The following PCDH8 variants were observed in gnomAD, a reference collection of about 807,000 sequenced individuals.
PCDH8 encodes protocadherin-8.
PCDH8 carries 36 observed loss-of-function variants against 58.2 expected under a neutral mutation model. That is an observed-to-expected ratio of 0.62 (90% CI 0.47 to 0.82). The LOEUF (loss-of-function observed/expected upper bound fraction) is 0.82, where lower values mean the gene tolerates loss of function less well. Among genes scored for constraint, PCDH8 ranks in the 40% least tolerant of loss-of-function variants. PCDH8 has a pLI of 0.00. For missense variants in PCDH8, 1,493 were observed against 1,567.8 expected (o/e 0.95, Z 0.81); for synonymous variants, 775 against 728.9 (o/e 1.06, Z -1.02).
In PCDH8 at chr13:52,846,848, C is replaced by T. The variant is rs1282274923; in HGVS notation, c.1589G>A (p.Gly530Asp). 1 of 1,547,788 alleles carries T rather than the reference C, an allele frequency of 6.5e-7. No individual in the cohort carries two copies. The highest frequency in any genetic ancestry group is 1.2e-5 in the South Asian group (1 of 85,030). The change falls in exon 1 of 3, where the codon GGC (glycine) becomes GAC (aspartate). Residue 530 changes from glycine (G) to aspartate (D), a missense_variant. Gly to Asp is a moderately conservative substitution (Grantham distance 94, BLOSUM62 -1). This residue lies in a region of PCDH8 where 1,307 missense variants were observed against 1,362.7 expected (regional missense o/e 0.96). Transcript: ENST00000377942. ...CTCCAGCAGCCGGTAGGTGACCTGG[C>T]CGTTGCGGCCCAGGTCCCGGTCGCG... is the stretch of plus-strand genomic sequence containing the variant. ...AARDRDLGRN[G>D]QVTYRLLEAE...
In PCDH8 at chr13:52,845,625, C is replaced by T. The variant is rs1387350463; in HGVS notation, c.2639G>A (p.Gly880Asp). The change falls in exon 2 of 3, where the codon GGT (glycine) becomes GAT (aspartate). Residue 880 changes from glycine (G) to aspartate (D), a missense_variant. By Grantham distance (94) the Gly-to-Asp change is moderately conservative. Around this residue, in one of 3 missense-constraint regions of PCDH8, gnomAD observed 1,307 missense variants for 1,362.7 expected, o/e 0.96. Coordinates refer to ENST00000377942, the MANE Select transcript of PCDH8 (RefSeq NM_002590.4). ...CTCCTTTCCAAAACCCGGGGAGGCA[C>T]CGTAGGGCTGCAGCAGGGAATAGGG... ...RLRGAHAEPY[G>D]ASPGFGKEPA... 4 of 1,613,906 alleles carry T rather than the reference C, an allele frequency of 2.5e-6. No individual in the cohort carries two copies. The East Asian group carries it at 6.7e-5, about 27-fold the overall frequency.
rs1290782960 is a variant in PCDH8, at chr13:52,847,003, G to A, written c.1434C>T (p.Arg478=). 3 of 1,574,704 alleles carry A rather than the reference G, an allele frequency of 1.9e-6. No homozygotes were observed. Among genetic ancestry groups the A allele is most frequent in the Non-Finnish European group, 2.6e-6 (3 of 1,164,202 alleles). Residue 478 remains arginine, a synonymous_variant, in exon 1 of 3, where the codon CGC becomes CGT. Transcript: ENST00000377942. ...CACGCACCGTGTAGGGCCGCACTGT[G>A]CGCAGCGGGGGCGCGCCGCGATCCT... The part of the protein sequence containing the change: ...VAEDRGAPPL[R]TVRPYTVRVG...
At position 52,848,088 on chromosome 13, in the gene PCDH8, G is replaced by C; in HGVS notation, c.349C>G (p.Arg117Gly). The C allele has an allele frequency of 6.2e-7, 1 of 1,612,772 alleles. No homozygotes were observed. The highest frequency in any genetic ancestry group is 1.3e-5 in the African/African-American group (1 of 75,042). Reference sequence around the variant, plus strand: ...ACCTCTACCTCCACGTGCACCAGCCGGAACTGCTCCTGCGAGAAGCTGACC... The same window carrying C: ...ACCTCTACCTCCACGTGCACCAGCCCGAACTGCTCCTGCGAGAAGCTGACC... ...DVVSFSQEQF[R>G]LVHVEVEVRD... is the part of the protein sequence containing the mutation. Residue 117 changes from arginine to glycine, a missense_variant, in exon 1 of 3, where the codon CGG (arginine) becomes GGG (glycine). Coordinates refer to ENST00000377942, the MANE Select transcript of PCDH8 (RefSeq NM_002590.4).
Position 52,846,200 on chromosome 13 carries a change from C to T in PCDH8, c.2237G>A (p.Trp746Ter). ...GATGATGACGATCAGCGGCGTGTCC[C>T]ATTGCAGCACCGACCCGGACACCCC... The part of the protein sequence containing the change: ...RLGVSGSVLQ[W>*]DTPLIVIIVL... Residue 746 changes from tryptophan to a stop codon, truncating the protein, a stop_gained, in exon 1 of 3, where the codon TGG becomes TAG. Transcript: ENST00000377942. LOFTEE classifies it high-confidence loss of function. 6.3e-7 allele frequency: 1 copy of T among 1,587,436 alleles called. No homozygotes were observed. Among genetic ancestry groups the T allele is most frequent in the Non-Finnish European group, 8.5e-7 (1 of 1,174,706 alleles).
At position 52,846,373 on chromosome 13, in the gene PCDH8, C is replaced by T. The variant is rs762995138; in HGVS notation, c.2064G>A (p.Ala688=). ...GGCCGCCGTCGGATATGACCAGGAG[C>T]GCCCTGAACACGCGACCGGGTGGCT... The part of the protein sequence containing the change: ...SQEPPGRVFR[A]LLVISDGGRP... The change falls in exon 1 of 3, where the codon GCG becomes GCA. Residue 688 remains alanine (A), a synonymous_variant. Transcript: ENST00000377942. 5.0e-6 allele frequency: 8 copies of T among 1,585,708 alleles called. No individual in the cohort carries two copies. In the East Asian group the frequency reaches 6.8e-5, roughly 13 times the overall value.
chr13:52,846,969 C>A lies in PCDH8; in HGVS notation c.1468G>T (p.Glu490Ter), dbSNP rs763830263. ...VRPYTVRVGDENDNAPLFTRP... is the reference protein window; with the variant it reads ...VRPYTVRVGD The stretch of plus-strand genomic sequence containing the variant: ...GTGAAGAGCGGCGCGTTGTCGTTCT[C>A]GTCGCCCACACGCACCGTGTAGGGC... Residue 490 changes from glutamate to a stop codon, truncating the protein, a stop_gained, in exon 1 of 3, where the codon GAG becomes TAG. Coordinates refer to ENST00000377942, the MANE Select transcript of PCDH8 (RefSeq NM_002590.4). LOFTEE classifies it high-confidence loss of function. 1 of 1,595,284 alleles carries A rather than the reference C, an allele frequency of 6.3e-7. No homozygotes were observed. Among genetic ancestry groups the A allele is most frequent in the Non-Finnish European group, 8.5e-7 (1 of 1,173,956 alleles).
At position 52,847,359 on chromosome 13, in the gene PCDH8, C is replaced by G; in HGVS notation, c.1078G>C (p.Ala360Pro). 6.7e-7 allele frequency: 1 copy of G among 1,491,090 alleles called. No individual in the cohort carries two copies. Among genetic ancestry groups the G allele is most frequent in the South Asian group, 1.3e-5 (1 of 75,488 alleles). 92.4% of individuals were successfully genotyped at this position (1,491,090 alleles called of 1,614,324 possible). A position where few individuals can be genotyped will look rare whatever the true frequency, so the allele number is the denominator to read the frequency against. The change falls in exon 1 of 3, where the codon GCC (alanine) becomes CCC (proline). Residue 360 changes from alanine to proline, a missense_variant. This residue lies in a region of PCDH8 where 1,307 missense variants were observed against 1,362.7 expected (regional missense o/e 0.96). Coordinates refer to ENST00000377942, the MANE Select transcript of PCDH8 (RefSeq NM_002590.4). Reference protein sequence around the residue: ...NAPDIAITPLAAPGAPATSPF... With the variant: ...NAPDIAITPLPAPGAPATSPF... ...GAGGTTGCCGGCGCGCCTGGGGCGG[C>G]CAGCGGGGTGATGGCGATGTCGGGT...
rs765089653 is a variant in PCDH8, at chr13:52,843,963, C to T, written c.*597G>A. ...TGACTATAGGCAGCTTCATGAAAAG[C>T]AATTGGCAGATTCTTCAAACACATG... On this transcript the variant is annotated 3_prime_UTR_variant, in exon 3 of 3. Transcript: ENST00000377942. 6.6e-6 allele frequency: 1 copy of T among 152,518 alleles called. No homozygotes were observed. Among genetic ancestry groups the T allele is most frequent in the Non-Finnish European group, 1.5e-5 (1 of 68,022 alleles). The allele number at this position is 152,518 out of a possible 1,614,324, so 9.4% of individuals were successfully genotyped here.
Position 52,848,465 on chromosome 13 carries a change from G to C in PCDH8, c.-29C>G, listed in dbSNP as rs759101576. ...TCCAGCCTCAAGTGCGATCCGAAAG[G>C]CTAAGGAAGTCTTCTCTGGTTTCCA... On this transcript the variant is annotated 5_prime_UTR_variant, in exon 1 of 3. Transcript: ENST00000377942. The C allele has an allele frequency of 6.5e-7, 1 of 1,548,512 alleles. No homozygotes were observed. The highest frequency in any genetic ancestry group is 1.2e-5 in the South Asian group (1 of 82,686).
rs1018474793 is a variant in PCDH8, at chr13:52,843,317, T to G, written c.*1243A>C. The G allele has an allele frequency of 6.6e-6, 1 of 152,214 alleles. No homozygotes were observed. Among genetic ancestry groups the G allele is most frequent in the African/African-American group, 2.4e-5 (1 of 41,458 alleles). 9.4% of individuals were successfully genotyped at this position (152,214 alleles called of 1,614,324 possible). A position where few individuals can be genotyped will look rare whatever the true frequency, so the allele number is the denominator to read the frequency against. On this transcript the variant is annotated 3_prime_UTR_variant, in exon 3 of 3. Transcript: ENST00000377942. The stretch of plus-strand genomic sequence containing the variant: ...GCACCTATGCTAGCATTGACAATTA[T>G]CAATATCTTATCAAATCGATCTTGT...
At position 52,842,998 on chromosome 13, in the gene PCDH8, C is replaced by T. The variant is rs183923693; in HGVS notation, c.*1562G>A. 2 of 152,256 alleles carry T rather than the reference C, an allele frequency of 1.3e-5. No individual in the cohort carries two copies. The highest frequency in any genetic ancestry group is 1.9e-4 in the East Asian group (1 of 5,180). The allele number at this position is 152,256 out of a possible 1,614,324, so 9.4% of individuals were successfully genotyped here. On this transcript the variant is annotated 3_prime_UTR_variant, in exon 3 of 3. Transcript: ENST00000377942. Reference sequence around the variant, plus strand: ...CATTTTATCTAACCTTCTTGTGCCTCGGTTTCTTTAATTGCAAAATGGAGT... The same window carrying T: ...CATTTTATCTAACCTTCTTGTGCCTTGGTTTCTTTAATTGCAAAATGGAGT...
At position 52,845,823 on chromosome 13, in the gene PCDH8, G is replaced by A. The variant is rs1369068368; in HGVS notation, c.2614C>T (p.Arg872Cys). The part of the protein sequence containing the change: ...ACHFEGQQRL[R>C]GAHAEPYGAS... ...GGCCTCACCTCGGCGTGCGCGCCGCGGAGCCGCTGCTGCCCCTCGAAGTGA... is the reference window on the plus strand; with the variant it reads ...GGCCTCACCTCGGCGTGCGCGCCGCAGAGCCGCTGCTGCCCCTCGAAGTGA... The change falls in exon 1 of 3, where the codon CGC becomes TGC. Residue 872 changes from arginine (R) to cysteine (C), a missense_variant. Arg to Cys is a radical substitution (Grantham distance 180, BLOSUM62 -3). Around this residue, in one of 3 missense-constraint regions of PCDH8, gnomAD observed 1,307 missense variants for 1,362.7 expected, o/e 0.96. Transcript: ENST00000377942. 7 of 1,509,922 alleles carry A rather than the reference G, an allele frequency of 4.6e-6. No individual in the cohort carries two copies. The highest frequency in any genetic ancestry group is 6.2e-6 in the Non-Finnish European group (7 of 1,137,250). The allele number at this position is 1,509,922 out of a possible 1,614,324, so 93.5% of individuals were successfully genotyped here. A position where few individuals can be genotyped will look rare whatever the true frequency, so the allele number is the denominator to read the frequency against.
chr13:52,847,791 C>T lies in PCDH8; in HGVS notation c.646G>A (p.Val216Met). Residue 216 changes from valine (V) to methionine (M), a missense_variant, in exon 1 of 3, where the codon GTG becomes ATG. Transcript: ENST00000377942. ...ESQAAYSLEL[V>M]AQDGGRPPRS... Reference sequence around the variant, plus strand: ...GGCGGGCGGCCGCCGTCCTGGGCCACCAGCTCCAGGCTGTAGGCGGCCTGG... The same window carrying T: ...GGCGGGCGGCCGCCGTCCTGGGCCATCAGCTCCAGGCTGTAGGCGGCCTGG... 1 of 1,472,180 alleles carries T rather than the reference C, an allele frequency of 6.8e-7. No individual in the cohort carries two copies. Among genetic ancestry groups the T allele is most frequent in the South Asian group, 1.4e-5 (1 of 72,048 alleles). The allele number at this position is 1,472,180 out of a possible 1,614,324, so 91.2% of individuals were successfully genotyped here.
At position 52,843,816 on chromosome 13, in the gene PCDH8, G is replaced by A. The variant is rs574730357; in HGVS notation, c.*744C>T. ...AATCAACACACGTTTTTAATACTTG[G>A]GTGACATTTTGCAATACTTGAAATC... On this transcript the variant is annotated 3_prime_UTR_variant, in exon 3 of 3. Coordinates refer to ENST00000377942, the MANE Select transcript of PCDH8 (RefSeq NM_002590.4). The A allele has an allele frequency of 6.6e-6, 1 of 152,212 alleles. No homozygotes were observed. Among genetic ancestry groups the A allele is most frequent in the African/African-American group, 2.4e-5 (1 of 41,552 alleles). The allele number at this position is 152,212 out of a possible 1,614,324, so 9.4% of individuals were successfully genotyped here.
chr13:52,844,421 C>A lies in PCDH8; in HGVS notation c.*139G>T. Reference sequence around the variant, plus strand: ...TTTGTTTGCAAATACCAAACAGTACCAATGTGATTGGAAATAGCTTCCAAC... The same window carrying A: ...TTTGTTTGCAAATACCAAACAGTACAAATGTGATTGGAAATAGCTTCCAAC... On this transcript the variant is annotated 3_prime_UTR_variant, in exon 3 of 3. Transcript: ENST00000377942. 1.5e-6 allele frequency: 1 copy of A among 650,756 alleles called. No homozygotes were observed. The highest frequency in any genetic ancestry group is 2.7e-5 in the South Asian group (1 of 36,604). The allele number at this position is 650,756 out of a possible 1,614,324, so 40.3% of individuals were successfully genotyped here.
rs1169450698 is a variant in PCDH8 at position 52,846,125 on chromosome 13, G to T, written c.2312C>A (p.Ala771Asp). The change falls in exon 1 of 3, where the codon GCC becomes GAC. Residue 771 changes from alanine (A) to aspartate (D), a missense_variant. Physicochemically the swap from Ala to Asp is moderately radical, Grantham distance 126. Coordinates refer to ENST00000377942, the MANE Select transcript of PCDH8 (RefSeq NM_002590.4). ...TLLLAAIIAI[A>D]TTCNRRKKEV... ...CTTCTTGCGGCGGTTGCAGGTGGTG[G>T]CGATGGCGATGATGGCGGCCAGCAG... 1 of 1,582,598 alleles carries T rather than the reference G, an allele frequency of 6.3e-7. No homozygotes were observed. Among genetic ancestry groups the T allele is most frequent in the East Asian group, 2.4e-5 (1 of 42,244 alleles).
At chr13:52,844,995 C>T in intron 2 of PCDH8, 62 bp from the exon 3 acceptor site, 1 of 1,487,788 alleles carries the variant, frequency 6.7e-7, no homozygotes, top group Non-Finnish European at 9.0e-7. Flanking sequence ...CATATTCAGG[C>T]TTCCATCTTC....
In PCDH8 at chr13:52,845,472, A is replaced by C; in HGVS notation, c.2792T>G (p.Ile931Ser). 1 of 1,614,178 alleles carries C rather than the reference A, an allele frequency of 6.2e-7. No individual in the cohort carries two copies. Among genetic ancestry groups the C allele is most frequent in the Non-Finnish European group, 8.5e-7 (1 of 1,180,034 alleles). The stretch of plus-strand genomic sequence containing the variant: ...ATCCTTTTTCAGAGCGTCCCCGCTG[A>C]TGTCGGAATCGCTGTCGTTGAAATC... ...DSDFNDSDSD[I>S]SGDALKKDLI... is the part of the protein sequence containing the mutation. The change falls in exon 2 of 3, where the codon ATC (isoleucine) becomes AGC (serine). Residue 931 changes from isoleucine to serine, a missense_variant. Around this residue, in one of 3 missense-constraint regions of PCDH8, gnomAD observed 182 missense variants for 178.9 expected, o/e 1.02. Transcript: ENST00000377942.
intron 2 of PCDH8, 121 bp from the exon 3 acceptor site, chr13:52,845,054 A>G (rs901259132): frequency 9.7e-7 from 1 of 1,033,232 alleles, no homozygotes; most frequent in Non-Finnish European, 1.4e-6. Flanking sequence ...CTGTGCGCAT[A>G]GATATACACC....
Sources: gnomAD v4.1 joint callset for allele counts on GRCh38, gnomAD v4.1.1 for gene constraint, gnomAD v4.1.1 regional missense constraint, MANE v1.5 for transcripts, NCBI Gene and HGNC (gene_info 2026-07-23, HGNC 2026-07-21) for gene names.